Variants in RASL10A observed in about 807,000 individuals in gnomAD.
The protein encoded by RASL10A is RAS like family 10 member A, also known as ras-like protein family member 10A.
In RASL10A, 13 loss-of-function variants were observed where a neutral mutation model predicts 17.3. That is an observed-to-expected ratio of 0.75 (90% confidence interval 0.49 to 1.20). The LOEUF is 1.20. Ranked by LOEUF, RASL10A falls within the 50% of genes most tolerant of loss-of-function variation. The pLI is 0.00. For synonymous variants in RASL10A, 159 were observed against 142.2 expected (o/e 1.12, Z -0.84); for missense variants, 307 against 310.3 (o/e 0.99, Z 0.08).
Position 29,313,430 on chromosome 22 carries a change from G to T in RASL10A, c.483C>A (p.Ala161=). 6.5e-7 allele frequency: 1 copy of T among 1,541,236 alleles called. No individual in the cohort carries two copies. The highest frequency in any genetic ancestry group is 1.4e-5 in the African/African-American group (1 of 73,160). The change falls in exon 3 of 3, where the codon GCC becomes GCA. Residue 161 remains alanine, a synonymous_variant. Coordinates refer to ENST00000216101, the MANE Select transcript of RASL10A (RefSeq NM_006477.5). ...GWRCGYLECS[A]KYNWHVLRLF... is the part of the protein sequence containing the mutation. ...GACGCAGCACGTGCCAGTTGTACTT[G>T]GCGGAGCACTCGAGGTAGCCGCAGC...
At position 29,313,274 on chromosome 22, in the gene RASL10A, G is replaced by A. The variant is rs879052235; in HGVS notation, c.*27C>T. On this transcript the variant is annotated 3_prime_UTR_variant, in exon 3 of 3. Transcript: ENST00000216101. The stretch of plus-strand genomic sequence containing the variant: ...CTGATTGTCCCAGTCACAAGGTGGG[G>A]CCCATGGATGGCACTGTCCGATCGG... The A allele has an allele frequency of 4.1e-6, 6 of 1,461,344 alleles. No homozygotes were observed. Among genetic ancestry groups the A allele is most frequent in the Non-Finnish European group, 9.1e-7 (1 of 1,103,084 alleles). The allele number at this position is 1,461,344 out of a possible 1,614,324, so 90.5% of individuals were successfully genotyped here.
In RASL10A at chr22:29,313,220, AGTT is replaced by A; in HGVS notation, c.*78_*80del. On this transcript the variant is annotated 3_prime_UTR_variant, in exon 3 of 3. Transcript: ENST00000216101. The stretch of plus-strand genomic sequence containing the variant: ...AGACTTCCCTGTCCAGTCCCAGTGA[AGTT>A]GGGCGATCCCGTCCAATCCAGGTCC... 2 of 1,410,478 alleles carry A rather than the reference AGTT, an allele frequency of 1.4e-6. No homozygotes were observed. Among genetic ancestry groups the A allele is most frequent in the Non-Finnish European group, 1.9e-6 (2 of 1,073,524 alleles). 87.4% of individuals were successfully genotyped at this position (1,410,478 alleles called of 1,614,324 possible).
At chr22:29,314,292 C>T (rs1409570269) in intron 1 of RASL10A, 4 of 345,036 alleles carry the variant, frequency 1.2e-5, no homozygotes, top group Non-Finnish European at 2.2e-5. Context: ...GCTCTCGGTG[C>T]TTACCACGGC....
rs1228562618 is a variant in RASL10A, at chr22:29,315,056, C to A, written c.191G>T (p.Gly64Val). The A allele has an allele frequency of 1.3e-6, 2 of 1,516,506 alleles. No individual in the cohort carries two copies. The highest frequency in any genetic ancestry group is 1.4e-5 in the African/African-American group (1 of 70,108). The allele number at this position is 1,516,506 out of a possible 1,614,324, so 93.9% of individuals were successfully genotyped here. Reference protein sequence around the residue: ...DLSIRDGDVAGPGSSPGGPEE... With the variant: ...DLSIRDGDVAVPGSSPGGPEE... The stretch of plus-strand genomic sequence containing the variant: ...CGGACCCCCGGGGCTCGAGCCGGGG[C>A]CAGCGACGTCGCCGTCGCGGATGCT... The change falls in exon 1 of 3, where the codon GGC becomes GTC. Residue 64 changes from glycine (G) to valine (V), a missense_variant. Physicochemically the swap from Gly to Val is moderately radical, Grantham distance 109. Transcript: ENST00000216101. The surrounding 1 kb of genome is among the most constrained non-coding windows in gnomAD (Gnocchi z 5.5).
upstream of RASL10A, chr22:29,316,923 T>C (rs1291719627): frequency 2.0e-5 from 3 of 151,880 alleles, no homozygotes; most frequent in African/African-American, 7.3e-5. Flanking sequence ...ACAGACAATG[T>C]GCCCACACCA....
intron 2 of RASL10A, 38 bp downstream of exon 2, chr22:29,313,825 G>C: frequency 6.2e-7 from 1 of 1,609,562 alleles, no homozygotes; most frequent in Non-Finnish European, 8.5e-7. Flanking sequence ...TGCCAGACCT[G>C]TCCTAGCTCC....
upstream of RASL10A, among the ~76,000 whole-genome samples, chr22:29,319,013 T>C (rs1015244656): frequency 6.6e-6 from 1 of 152,078 alleles, no homozygotes; most frequent in Non-Finnish European, 1.5e-5. Context: ...TACTGAGCCC[T>C]GAAGGATCAA....
intron 1 of RASL10A, chr22:29,314,277 T>G: frequency 2.7e-6 from 1 of 373,728 alleles, no homozygotes. Context: ...CTCTCCTCCC[T>G]AGATGCTCTC....
In RASL10A at chr22:29,313,128, T is replaced by C. The variant is rs2061428462; in HGVS notation, c.*173A>G. 2.3e-6 allele frequency: 2 copies of C among 873,974 alleles called. No homozygotes were observed. Among genetic ancestry groups the C allele is most frequent in the Middle Eastern group, 3.7e-4 (1 of 2,720 alleles). 54.1% of individuals were successfully genotyped at this position (873,974 alleles called of 1,614,324 possible). A position where few individuals can be genotyped will look rare whatever the true frequency, so the allele number is the denominator to read the frequency against. On this transcript the variant is annotated 3_prime_UTR_variant, in exon 3 of 3. Transcript: ENST00000216101. ...GAGCTTGGGACCTGGTTGGGTCCAA[T>C]GAGGTTCAAAAGGGGGCCAGTCGCT...
rs1346174476 is a variant in RASL10A, at chr22:29,313,898, G to A, written c.309C>T (p.Tyr103=). The A allele has an allele frequency of 3.1e-6, 5 of 1,613,952 alleles. No homozygotes were observed. The highest frequency in any genetic ancestry group is 3.4e-6 in the Non-Finnish European group (4 of 1,180,028). The change falls in exon 2 of 3, where the codon TAC becomes TAT. Residue 103 remains tyrosine, a synonymous_variant. Coordinates refer to ENST00000216101, the MANE Select transcript of RASL10A (RefSeq NM_006477.5). ...CGATGCGCTGCCGCAGGGCCTTCACGTAGTCGAAACTGTCCGGGCTGCAGA... is the reference window on the plus strand; with the variant it reads ...CGATGCGCTGCCGCAGGGCCTTCACATAGTCGAAACTGTCCGGGCTGCAGA... ...YDICSPDSFD[Y]VKALRQRIAE...
chr22:29,315,860 C>T (rs1387447924), upstream of RASL10A: 1 of 152,312 alleles, frequency 6.6e-6, no homozygotes, highest in Non-Finnish European at 1.5e-5. This position sits in a 1 kb window ranked among gnomAD's most constrained non-coding sequence, Gnocchi z 5.5. Context: ...CTACCCCTTC[C>T]TTACCTCCTC....
chr22:29,314,422 G>A, intron 1 of RASL10A: 1 of 176,972 alleles, frequency 5.7e-6, no homozygotes, highest in South Asian at 1.4e-4. Context: ...CACCTGGTAT[G>A]TTTTTGCCAC....
chr22:29,313,605 C>G (rs1245512751), intron 2 of RASL10A, 37 bp from the exon 3 acceptor site: 2 of 1,495,944 alleles, frequency 1.3e-6, no homozygotes, highest in Non-Finnish European at 1.8e-6. Context: ...GCGGGGACCC[C>G]ACGGCCGGAG....
chr22:29,313,288 CT>C lies in RASL10A; in HGVS notation c.*12del. 1 of 1,487,094 alleles carries C rather than the reference CT, an allele frequency of 6.7e-7. No individual in the cohort carries two copies. The highest frequency in any genetic ancestry group is 2.5e-5 in the East Asian group (1 of 39,436). The allele number at this position is 1,487,094 out of a possible 1,614,324, so 92.1% of individuals were successfully genotyped here. On this transcript the variant is annotated 3_prime_UTR_variant, in exon 3 of 3. Coordinates refer to ENST00000216101, the MANE Select transcript of RASL10A (RefSeq NM_006477.5). ...CACAAGGTGGGGCCCATGGATGGCA[CT>C]GTCCGATCGGGTCACATGAGGCTGC... is the stretch of plus-strand genomic sequence containing the variant.
At chr22:29,314,129 C>T in intron 1 of RASL10A, 142 bp from the exon 2 acceptor site, 1 of 1,184,072 alleles carries the variant, frequency 8.4e-7, no homozygotes. Context: ...GCTTTCCGGG[C>T]CGTCTCCTCA....
Position 29,313,897 on chromosome 22 carries a change from C to A in RASL10A, c.310G>T (p.Val104Leu), listed in dbSNP as rs150891069. The A allele has an allele frequency of 1.9e-6, 3 of 1,613,822 alleles. No homozygotes were observed. The African/African-American group carries it at 4.0e-5, about 22-fold the overall frequency. Residue 104 changes from valine (V) to leucine (L), a missense_variant, in exon 2 of 3, where the codon GTG becomes TTG. Physicochemically the swap from Val to Leu is conservative, Grantham distance 32 (BLOSUM62 1). Transcript: ENST00000216101. ...DICSPDSFDY[V>L]KALRQRIAET... Reference sequence around the variant, plus strand: ...GCGATGCGCTGCCGCAGGGCCTTCACGTAGTCGAAACTGTCCGGGCTGCAG... The same window carrying A: ...GCGATGCGCTGCCGCAGGGCCTTCAAGTAGTCGAAACTGTCCGGGCTGCAG...
In RASL10A at chr22:29,315,034, AC is replaced by A. The variant is rs2061444619; in HGVS notation, c.212del (p.Gly71ValfsTer34). On this transcript the variant is annotated frameshift_variant, in exon 1 of 3. Coordinates refer to ENST00000216101, the MANE Select transcript of RASL10A (RefSeq NM_006477.5). LOFTEE classifies it high-confidence loss of function. This position sits in a 1 kb window ranked among gnomAD's most constrained non-coding sequence, Gnocchi z 5.5. Reference sequence around the variant, plus strand: ...CCGCTCCTCGAGCCGCTACCTCCGGACCCCCGGGGCTCGAGCCGGGGCCAGC... The same window carrying A: ...CCGCTCCTCGAGCCGCTACCTCCGGACCCCGGGGCTCGAGCCGGGGCCAGC... ...DVAGPGSSPG[G>X]PEEWPDAKDW... 2 of 1,505,162 alleles carry A rather than the reference AC, an allele frequency of 1.3e-6. No homozygotes were observed. The highest frequency in any genetic ancestry group is 8.8e-7 in the Non-Finnish European group (1 of 1,131,796). The allele number at this position is 1,505,162 out of a possible 1,614,324, so 93.2% of individuals were successfully genotyped here.
chr22:29,313,518 TC>T lies in RASL10A; in HGVS notation c.394del (p.Asp132ThrfsTer16). On this transcript the variant is annotated frameshift_variant, in exon 3 of 3. Transcript: ENST00000216101. LOFTEE classifies it high-confidence loss of function. ...CGGTCCGAAGCGCAGCCGCTGCCTG[TC>T]CCGCTTGTTGCCTACCACGAGGATG... ...APILVVGNKR[D>X]RQRLRFGPRR... is the part of the protein sequence containing the mutation. 1 of 1,573,108 alleles carries T rather than the reference TC, an allele frequency of 6.4e-7. No individual in the cohort carries two copies.
At chr22:29,318,123 A>G (rs1484863038), upstream of RASL10A, among the ~76,000 whole-genome samples, 3 of 152,156 alleles carry the variant, frequency 2.0e-5, no homozygotes, top group Non-Finnish European at 4.4e-5. Context: ...TCTGGCTCCC[A>G]GTATGTGTTT....
Sources: gnomAD v4.1 joint callset for allele counts (sites outside exome capture counted in the v4.1 genomes callset) on GRCh38, gnomAD v4.1.1 for gene constraint, Gnocchi (gnomAD v3.1) non-coding constraint, MANE v1.5 for transcripts, NCBI Gene and HGNC (gene_info 2026-07-23, HGNC 2026-07-21) for gene names.